NDST4: variants seen among roughly 807,000 people sequenced by gnomAD.
NDST4 encodes the protein N-deacetylase and N-sulfotransferase 4.
NDST4 carries 63 observed loss-of-function variants against 100.8 expected under a neutral mutation model. That is an observed-to-expected ratio of 0.62 (90% CI 0.51 to 0.77). The LOEUF (loss-of-function observed/expected upper bound fraction) is 0.77. Among genes scored for constraint, NDST4 ranks in the 30% least tolerant of loss-of-function variants. The pLI, the probability that NDST4 is intolerant of heterozygous loss-of-function variation, is 0.00. For missense variants in NDST4, 943 were observed against 1,018.4 expected (o/e 0.93, Z 1.01); for synonymous variants, 377 against 361.8 (o/e 1.04, Z -0.48).
chr4:114,889,660 C>T (rs1305747368), intron 6 of NDST4, among the ~76,000 whole-genome samples: 1 of 152,190 alleles, frequency 6.6e-6, no homozygotes, highest in Non-Finnish European at 1.5e-5. Context: ...CAATCATAAG[C>T]TTCTTTCAGA....
chr4:114,881,011 C>T (rs1176275323), intron 6 of NDST4, among the ~76,000 whole-genome samples: 1 of 152,006 alleles, frequency 6.6e-6, no homozygotes, highest in Non-Finnish European at 1.5e-5. Flanking sequence ...AAAAGTTATA[C>T]AATGTGGTTC....
chr4:115,002,399 C>T (rs1270946669), intron 2 of NDST4, among the ~76,000 whole-genome samples: 2 of 152,068 alleles, frequency 1.3e-5, no homozygotes, highest in Non-Finnish European at 2.9e-5. Flanking sequence ...GATATTAGCC[C>T]TTTGTCAGAT....
intron 6 of NDST4, among the ~76,000 whole-genome samples, chr4:114,890,873 A>G (rs1724578630): frequency 6.6e-6 from 1 of 152,112 alleles, no homozygotes; most frequent in Non-Finnish European, 1.5e-5. Flanking sequence ...AAAATTGGCT[A>G]AAATTCACTT....
intron 2 of NDST4, among the ~76,000 whole-genome samples, chr4:115,060,993 CA>C (rs1322001311): frequency 6.6e-6 from 1 of 151,814 alleles, no homozygotes; most frequent in African/African-American, 2.4e-5. Flanking sequence ...AAAACCTCAA[CA>C]AAAAGTGGGT....
rs550582066 is a variant in NDST4 at position 115,076,850 on chromosome 4, T to C, written c.187A>G (p.Met63Val). The change falls in exon 2 of 14, where the codon ATG (methionine) becomes GTG (valine). Residue 63 changes from methionine to valine, a missense_variant. Physicochemically the swap from Met to Val is conservative, Grantham distance 21. This residue lies in a region of NDST4 where 417 missense variants were observed against 384.2 expected (regional missense o/e 1.09). Transcript: ENST00000264363. ...TDIKILPYRS[M>V]ELKTVKPIDT... ...ATAGGTTTAACTGTTTTCAGCTCCA[T>C]TGACCTATATGGTAGAATTTTGATG... 2 of 1,613,872 alleles carry C rather than the reference T, an allele frequency of 1.2e-6. No homozygotes were observed. The highest frequency in any genetic ancestry group is 1.1e-5 in the South Asian group (1 of 91,084).
At chr4:115,060,159 G>A (rs1229863821) in intron 2 of NDST4, among the ~76,000 whole-genome samples, 1 of 151,966 alleles carries the variant, frequency 6.6e-6, no homozygotes, top group African/African-American at 2.4e-5. Context: ...TAGGGTAAGT[G>A]CTATATGGAT....
At chr4:114,936,150 G>A (rs1042775647) in intron 5 of NDST4, among the ~76,000 whole-genome samples, 2 of 152,028 alleles carry the variant, frequency 1.3e-5, no homozygotes, top group Admixed American at 1.3e-4. Context: ...ATCCAATGAT[G>A]TTTTAGATAC....
At chr4:115,001,099 A>G (rs906305094) in intron 2 of NDST4, among the ~76,000 whole-genome samples, 11 of 152,144 alleles carry the variant, frequency 7.2e-5, no homozygotes, top group Admixed American at 3.9e-4. Context: ...GAGTTTTAAC[A>G]TATGAATTTT....
At chr4:114,958,357 T>A (rs1726185465) in intron 4 of NDST4, among the ~76,000 whole-genome samples, 1 of 147,856 alleles carries the variant, frequency 6.8e-6, no homozygotes. Flanking sequence ...AAGAGTCACC[T>A]TTATTACAGT....
At chr4:115,017,465 T>A (rs1008869266) in intron 2 of NDST4, among the ~76,000 whole-genome samples, 1 of 152,068 alleles carries the variant, frequency 6.6e-6, no homozygotes, top group African/African-American at 2.4e-5. Flanking sequence ...TACTATTTTA[T>A]CCAGATCACT....
At chr4:115,040,981 G>A (rs1002921886) in intron 2 of NDST4, among the ~76,000 whole-genome samples, 18 of 152,068 alleles carry the variant, frequency 1.2e-4, no homozygotes, top group African/African-American at 4.3e-4. Flanking sequence ...AAAGAACTAC[G>A]TTTCTTTCAC....
At chr4:115,051,459 C>T (rs1010951802) in intron 2 of NDST4, among the ~76,000 whole-genome samples, 2 of 152,034 alleles carry the variant, frequency 1.3e-5, no homozygotes, top group Non-Finnish European at 2.9e-5. Flanking sequence ...AATCTATTCT[C>T]TATCTTCAAA....
chr4:114,829,958 A>G (rs1372659445), intron 12 of NDST4, 66 bp from the exon 13 acceptor site: 4 of 1,095,140 alleles, frequency 3.7e-6, no homozygotes, highest in Non-Finnish European at 5.5e-6. Context: ...AGCCTCACCA[A>G]TTGAATAAAG....
intron 12 of NDST4, 64 bp from the exon 13 acceptor site, chr4:114,829,956 C>T (rs939362529): frequency 9.1e-7 from 1 of 1,099,166 alleles, no homozygotes; most frequent in Non-Finnish European, 1.4e-6. Context: ...ACAGCCTCAC[C>T]AATTGAATAA....
intron 2 of NDST4, among the ~76,000 whole-genome samples, chr4:114,981,787 G>A (rs1398036783): frequency 1.3e-5 from 2 of 152,090 alleles, no homozygotes; most frequent in Non-Finnish European, 2.9e-5. Flanking sequence ...TTCCCTAAAT[G>A]TACCTAATAA....
At chr4:115,037,633 T>C (rs1728261682) in intron 2 of NDST4, among the ~76,000 whole-genome samples, 1 of 152,154 alleles carries the variant, frequency 6.6e-6, no homozygotes, top group South Asian at 2.1e-4. Context: ...GAGCATAAAT[T>C]TAGCATCCAG....
At chr4:115,097,673 C>T (rs1230285215) in intron 1 of NDST4, among the ~76,000 whole-genome samples, 1 of 152,122 alleles carries the variant, frequency 6.6e-6, no homozygotes, top group Non-Finnish European at 1.5e-5. Flanking sequence ...AATACATTGA[C>T]CAGGGTCCTC....
In NDST4 at chr4:115,080,911, G is replaced by C. The variant is rs143614284; in HGVS notation, c.-246-3629C>G. On this transcript the variant is annotated intron_variant, in intron 1 of 13. Transcript: ENST00000264363. Reference sequence around the variant, plus strand: ...CTTACATGCTTTGGAGGATTGCTTAGTATTTTAGGAATAAATTTAACCAGG... The same window carrying C: ...CTTACATGCTTTGGAGGATTGCTTACTATTTTAGGAATAAATTTAACCAGG... Among the ~76,000 whole-genome samples, 781 of 152,160 alleles carry C rather than the reference G, an allele frequency of 5.1e-3. 29 individuals carry two copies. The highest frequency in any genetic ancestry group is 0.042 in the Admixed American group (641 of 15,280).
chr4:115,038,191 C>G (rs1236009502), intron 2 of NDST4, among the ~76,000 whole-genome samples: 2 of 152,142 alleles, frequency 1.3e-5, no homozygotes. Flanking sequence ...TAAACAGGAA[C>G]TACTGTAATA....
Sources: allele counts gnomAD v4.1 joint callset (sites outside exome capture counted in the v4.1 genomes callset), GRCh38; gene constraint gnomAD v4.1.1; regional missense constraint gnomAD v4.1.1; transcripts MANE v1.5; gene names NCBI Gene and HGNC (gene_info 2026-07-23, HGNC 2026-07-21).